RANBP2: variants seen among roughly 807,000 people sequenced by gnomAD.
The protein encoded by RANBP2 is RAN binding protein 2.
Under a neutral mutation model 303.6 loss-of-function variants are expected in RANBP2, and 57 were observed. The ratio of observed to expected loss-of-function variants is 0.19; its 90% CI spans 0.15 to 0.23. The LOEUF (loss-of-function observed/expected upper bound fraction) is 0.23, where lower values mean the gene tolerates loss of function less well. RANBP2 is among the 10% of genes least tolerant of loss of function. The probability of loss-of-function intolerance (pLI) is 1.00; values close to 1 mark genes in which losing one functional copy is unlikely to be tolerated. For missense variants in RANBP2, 3,138 were observed against 3,780.8 expected (o/e 0.83, Z 4.46); for synonymous variants, 1,167 against 1,301.5 (o/e 0.90, Z 2.23).
chr2:108,722,785 G>T (rs1158985805), intron 1 of RANBP2, among the ~76,000 whole-genome samples: 2 of 151,298 alleles, frequency 1.3e-5, no homozygotes, highest in East Asian at 3.9e-4. Context: ...CACCTACTCG[G>T]TAGGCTGAGA....
the RANBP2 span, among the ~76,000 whole-genome samples, chr2:109,721,615 G>A: frequency 6.6e-6 from 1 of 152,208 alleles, no homozygotes; most frequent in African/African-American, 2.4e-5. Context: ...CATCAGAAAG[G>A]GTGGTGGCTG....
At chr2:109,063,232 G>A in the RANBP2 span, among the ~76,000 whole-genome samples, 3 of 152,186 alleles carry the variant, frequency 2.0e-5, no homozygotes, top group African/African-American at 4.8e-5. Flanking sequence ...ATCCCCGGGG[G>A]CTGGGAAGAT....
At chr2:109,682,886 G>C in the RANBP2 span, among the ~76,000 whole-genome samples, 1 of 152,154 alleles carries the variant, frequency 6.6e-6, no homozygotes, top group Non-Finnish European at 1.5e-5. Flanking sequence ...CCCTGGCCCT[G>C]ACTTTGTCAC....
chr2:109,413,444 AG>A, the RANBP2 span, among the ~76,000 whole-genome samples: 6 of 152,202 alleles, frequency 3.9e-5, no homozygotes, highest in African/African-American at 1.4e-4. Context: ...CATTCTTAAC[AG>A]GAAACTGCCG....
chr2:108,885,405 T>TA, the RANBP2 span: 1 of 152,262 alleles, frequency 6.6e-6, no homozygotes, highest in African/African-American at 2.4e-5. Flanking sequence ...ACTTCTTTGA[T>TA]ACTGTGTTTG....
At chr2:109,214,137 T>C in the RANBP2 span, among the ~76,000 whole-genome samples, 1 of 152,166 alleles carries the variant, frequency 6.6e-6, no homozygotes, top group East Asian at 1.9e-4. Context: ...GCCCCCATGC[T>C]GCGTCTAGGT....
the RANBP2 span, among the ~76,000 whole-genome samples, chr2:108,817,978 G>C: frequency 6.6e-6 from 1 of 152,098 alleles, no homozygotes. Flanking sequence ...AAGGCCTGCC[G>C]TATTAAAGTT....
chr2:109,509,645 G>T, the RANBP2 span, among the ~76,000 whole-genome samples: 9,441 of 152,006 alleles, frequency 0.062, 310 homozygotes, highest in South Asian at 0.072. Flanking sequence ...TCCATCACCC[G>T]AATAACATAC....
At chr2:108,733,872 C>A (rs1203451305) in intron 4 of RANBP2, among the ~76,000 whole-genome samples, 15 of 151,058 alleles carry the variant, frequency 9.9e-5, no homozygotes, top group Non-Finnish European at 7.4e-5. Flanking sequence ...AATTGAAATC[C>A]ATGAGATTTA....
the RANBP2 span, among the ~76,000 whole-genome samples, chr2:109,078,063 T>C: frequency 8.5e-6 from 1 of 117,434 alleles, no homozygotes; most frequent in South Asian, 2.8e-4. Flanking sequence ...AACCTAACTG[T>C]CCATTGACAG....
the RANBP2 span, among the ~76,000 whole-genome samples, chr2:109,259,601 G>A: frequency 3.9e-5 from 6 of 152,220 alleles, no homozygotes; most frequent in African/African-American, 1.4e-4. Context: ...CCATGTTTGG[G>A]CGGCATGTTA....
At chr2:108,725,335 G>T (rs528332066) in intron 1 of RANBP2, among the ~76,000 whole-genome samples, 4,202 of 152,228 alleles carry the variant, frequency 0.028, 193 homozygotes, top group African/African-American at 0.094. Context: ...TCATATAGAA[G>T]AATAATTTGT....
At chr2:109,496,611 G>A in the RANBP2 span, among the ~76,000 whole-genome samples, 29 of 152,288 alleles carry the variant, frequency 1.9e-4, no homozygotes, top group East Asian at 3.5e-3. Flanking sequence ...TGTTCACATC[G>A]GATCAGCTCA....
At chr2:109,315,573 C>T in the RANBP2 span, among the ~76,000 whole-genome samples, 1 of 152,236 alleles carries the variant, frequency 6.6e-6, no homozygotes, top group African/African-American at 2.4e-5. Context: ...GCCTGTTGTG[C>T]ACTGTCTGTG....
the RANBP2 span, among the ~76,000 whole-genome samples, chr2:108,818,875 A>G: frequency 6.6e-6 from 1 of 151,946 alleles, no homozygotes; most frequent in Non-Finnish European, 1.5e-5. Context: ...GATGGATTTA[A>G]TATTTAAAAA....
At chr2:108,772,137 T>TA (rs1677551373) in intron 21 of RANBP2, among the ~76,000 whole-genome samples, 1 of 152,136 alleles carries the variant, frequency 6.6e-6, no homozygotes, top group African/African-American at 2.4e-5. Flanking sequence ...GCTGGAGTCT[T>TA]AAAGATGTGG....
intron 6 of RANBP2, among the ~76,000 whole-genome samples, chr2:108,737,364 G>T (rs1418374660): frequency 7.4e-6 from 1 of 135,982 alleles, no homozygotes; most frequent in Non-Finnish European, 1.5e-5. Context: ...TTTTGAGATG[G>T]AGTCTTGCTG....
chr2:109,437,513 G>A, the RANBP2 span, among the ~76,000 whole-genome samples: 2 of 152,142 alleles, frequency 1.3e-5, no homozygotes, highest in African/African-American at 4.8e-5. Flanking sequence ...ATTAACACCG[G>A]CACTTTCAAA....
chr2:108,812,661 A>G, the RANBP2 span: 66 of 1,613,064 alleles, frequency 4.1e-5, no homozygotes, highest in Non-Finnish European at 1.1e-5. Flanking sequence ...AAACAGGAAG[A>G]TAGACATTCA....
Sources: gnomAD v4.1 joint callset for allele counts (sites outside exome capture counted in the v4.1 genomes callset) on GRCh38, gnomAD v4.1.1 for gene constraint, MANE v1.5 for transcripts, NCBI Gene and HGNC (gene_info 2026-07-23, HGNC 2026-07-21) for gene names.